The following GSE1 variants were observed in gnomAD, a reference collection of about 807,000 sequenced individuals.
GSE1 encodes Gse1 coiled-coil protein, also known as genetic suppressor element 1.
Under a neutral mutation model 112.6 loss-of-function variants are expected in GSE1, and 32 were observed. The ratio of observed to expected loss-of-function variants is 0.28; its 90% CI spans 0.21 to 0.38. The LOEUF is 0.38. Among genes scored for constraint, GSE1 ranks in the 10% least tolerant of loss-of-function variants. The pLI, the probability that GSE1 is intolerant of heterozygous loss-of-function variation, is 1.00. For synonymous variants in GSE1, 1,115 were observed against 735.6 expected (o/e 1.52, Z -8.35); for missense variants, 2,348 against 1,699.2 (o/e 1.38, Z -6.71).
intron 1 of GSE1, among the ~76,000 whole-genome samples, chr16:85,627,172 G>T (rs1371107448): frequency 1.6e-5 from 2 of 121,670 alleles, no homozygotes; most frequent in Non-Finnish European, 3.3e-5. Context: ...GGGGGGCGGG[G>T]GGTGGGGGCC....
chr16:85,556,501 C>T, intron 1 of GSE1: 1 of 188,754 alleles, frequency 5.3e-6, no homozygotes, highest in Non-Finnish European at 9.8e-6. Flanking sequence ...CAGACGCGCG[C>T]GGCCTCGGAT....
upstream of GSE1, among the ~76,000 whole-genome samples, chr16:85,553,933 G>T (rs1488173462): frequency 1.3e-5 from 2 of 152,184 alleles, no homozygotes; most frequent in Admixed American, 1.3e-4. Context: ...GTTGGAGAGC[G>T]TTGGCAGGAA....
intron 1 of GSE1, among the ~76,000 whole-genome samples, chr16:85,236,048 G>GCTGGGGCTGGGGCTGGGGCTGGGGCTGGT (rs1567629037): frequency 3.9e-5 from 6 of 152,024 alleles, no homozygotes; most frequent in Admixed American, 1.3e-4. Context: ...CTGGGGCTGG[G>GCTGGGGCTGGGGCTGGGGCTGGGGCTGGT]GCTGGTGCCG....
In GSE1 at chr16:85,428,474, G is replaced by A. The variant is rs144722491; in HGVS notation, c.2464+70831G>A. 5.7e-3 allele frequency among the ~76,000 whole-genome samples: 867 copies of A among 152,320 alleles called. 4 individuals carry two copies. Among genetic ancestry groups the A allele is most frequent in the African/African-American group, 0.02 (821 of 41,576 alleles). ...CTCAGCTTGCTTAGCTGTAAAATGG[G>A]GCGATAATCGCCCCTGCCTCACGGG... is the stretch of plus-strand genomic sequence containing the variant. On this transcript the variant is annotated intron_variant, in intron 2 of 2. Coordinates refer to the GSE1 transcript ENST00000637419.
At chr16:85,486,694 C>G (rs531035601) in intron 2 of GSE1, among the ~76,000 whole-genome samples, 1 of 152,310 alleles carries the variant, frequency 6.6e-6, no homozygotes, top group African/African-American at 2.4e-5. Context: ...GCCCTCTCTC[C>G]TGCCGCCTCC....
intron 1 of GSE1, among the ~76,000 whole-genome samples, chr16:85,238,469 C>T (rs1481212194): frequency 6.6e-6 from 1 of 152,162 alleles, no homozygotes; most frequent in Admixed American, 6.5e-5. Flanking sequence ...GCTCTGCAGG[C>T]GGAATCCCGA....
intron 2 of GSE1, among the ~76,000 whole-genome samples, chr16:85,526,820 C>T (rs536958304): frequency 6.6e-6 from 1 of 152,254 alleles, no homozygotes. Context: ...AACCTGTCCC[C>T]ACCGTTAACT....
At chr16:85,395,207 C>G (rs2047938689) in intron 2 of GSE1, among the ~76,000 whole-genome samples, 1 of 152,050 alleles carries the variant, frequency 6.6e-6, no homozygotes, top group South Asian at 2.1e-4. Flanking sequence ...ACCCTGAATC[C>G]CTGGGAATGG....
At position 85,232,662 on chromosome 16, in the gene GSE1, A is replaced by G. The variant is rs1203749360; in HGVS notation, c.2283+60855A>G. Among the ~76,000 whole-genome samples the G allele has an allele frequency of 2.6e-5, 4 of 152,142 alleles. No individual in the cohort carries two copies. The East Asian group carries it at 7.7e-4, about 29-fold the overall frequency. The stretch of plus-strand genomic sequence containing the variant: ...CCCTCCCATCGAGGTGCTCCTTGCT[A>G]GGCTCCAGCCAGTGGGGTCCTGCGA... On this transcript the variant is annotated intron_variant, in intron 1 of 2. Transcript: ENST00000637419.
intron 1 of GSE1, among the ~76,000 whole-genome samples, chr16:85,587,380 C>T (rs2046756410): frequency 6.6e-6 from 1 of 152,236 alleles, no homozygotes. Context: ...AAAACCTTCC[C>T]CCGGCCCTGG....
At chr16:85,427,902 A>G (rs1338266028) in intron 2 of GSE1, among the ~76,000 whole-genome samples, 2 of 152,254 alleles carry the variant, frequency 1.3e-5, no homozygotes, top group African/African-American at 4.8e-5. Context: ...CACATGGACA[A>G]TATTAAAAAA....
intron 1 of GSE1, among the ~76,000 whole-genome samples, chr16:85,245,762 C>T (rs377557586): frequency 8.5e-5 from 13 of 152,080 alleles, no homozygotes; most frequent in Non-Finnish European, 1.9e-4. Flanking sequence ...CTGTGGGCAC[C>T]GCCTGGGGGG....
At chr16:85,174,034 C>T (rs1272823592) in intron 1 of GSE1, among the ~76,000 whole-genome samples, 3 of 152,180 alleles carry the variant, frequency 2.0e-5, no homozygotes, top group Non-Finnish European at 4.4e-5. Flanking sequence ...TTTGAACCTG[C>T]TTCTGCTCCC....
At chr16:85,442,945 G>A (rs1445960393) in intron 2 of GSE1, among the ~76,000 whole-genome samples, 1 of 152,180 alleles carries the variant, frequency 6.6e-6, no homozygotes, top group African/African-American at 2.4e-5. Flanking sequence ...GTGGTGTCCC[G>A]CAGCTAGTGG....
chr16:85,543,862 G>C (rs2151214977), intron 2 of GSE1, among the ~76,000 whole-genome samples: 1 of 152,286 alleles, frequency 6.6e-6, no homozygotes, highest in South Asian at 2.1e-4. Context: ...ATTTGAGACA[G>C]TATCTTGCTC....
At chr16:85,355,671 G>A (rs2046936634) in intron 1 of GSE1, among the ~76,000 whole-genome samples, 1 of 152,212 alleles carries the variant, frequency 6.6e-6, no homozygotes, top group Non-Finnish European at 1.5e-5. Context: ...TGCACACTTG[G>A]AAATGGTCAG....
chr16:85,169,910 G>T (rs2074330534), exon 1 of GSE1: 2 of 984,342 alleles, frequency 2.0e-6, no homozygotes, highest in African/African-American at 3.5e-5. Context: ...GGCGGCCGCC[G>T]TGGCGGCGCC....
intron 2 of GSE1, among the ~76,000 whole-genome samples, chr16:85,515,052 T>C (rs1397804775): frequency 6.6e-6 from 1 of 152,194 alleles, no homozygotes; most frequent in East Asian, 1.9e-4. Context: ...TGCATGTGTG[T>C]GTATGAATGC....
rs1491195220 is a variant in GSE1, at chr16:85,456,579, C to CATGTGTGTGT, written c.2464+98936_2464+98937insATGTGTGTGT. 6.6e-5 allele frequency among the ~76,000 whole-genome samples: 6 copies of CATGTGTGTGT among 91,476 alleles called. 1 individual carries two copies. Among genetic ancestry groups the CATGTGTGTGT allele is most frequent in the African/African-American group, 2.4e-4 (6 of 25,338 alleles). 60.0% of individuals were successfully genotyped at this position (91,476 alleles called of 152,430 possible). On this transcript the variant is annotated intron_variant, in intron 2 of 2. Transcript: ENST00000637419. ...AGGGAGGGGAGGGTCATTTTCCTGC[C>CATGTGTGTGT]GTGTGTGTGTGTGTGTGTGTGTGTG...
Sources: gnomAD v4.1 joint callset for allele counts (sites outside exome capture counted in the v4.1 genomes callset) on GRCh38, gnomAD v4.1.1 for gene constraint, MANE v1.5 for transcripts, NCBI Gene and HGNC (gene_info 2026-07-23, HGNC 2026-07-21) for gene names.